Variants in GSTCD observed in about 807,000 individuals in gnomAD.
The protein encoded by GSTCD is glutathione S-transferase C-terminal domain containing, also known as glutathione S-transferase C-terminal domain-containing protein.
Under a neutral mutation model 68.3 loss-of-function variants are expected in GSTCD, and 44 were observed. That is an observed-to-expected ratio of 0.64 (90% confidence interval 0.51 to 0.83). The LOEUF (loss-of-function observed/expected upper bound fraction) is 0.83, where lower values mean the gene tolerates loss of function less well. Among genes scored for constraint, GSTCD ranks in the 40% least tolerant of loss-of-function variants. GSTCD has a pLI of 0.00. For missense variants in GSTCD, 739 were observed against 735.9 expected (o/e 1.00, Z -0.05); for synonymous variants, 273 against 255.2 (o/e 1.07, Z -0.67).
chr4:105,845,341 A>T (rs1183869918), intron 11 of GSTCD, 100 bp from the exon 12 acceptor site: 5 of 1,266,624 alleles, frequency 3.9e-6, no homozygotes, highest in Non-Finnish European at 5.7e-6. Context: ...CATGCTCCAT[A>T]GTACTTGCAG....
At chr4:105,713,501 T>C (rs1260585224) in intron 1 of GSTCD, among the ~76,000 whole-genome samples, 1 of 152,210 alleles carries the variant, frequency 6.6e-6, no homozygotes, top group Non-Finnish European at 1.5e-5. Context: ...ACTGTTATAT[T>C]AGAACAATAC....
At chr4:105,840,492 T>C (rs1267055700) in intron 10 of GSTCD, among the ~76,000 whole-genome samples, 1 of 152,188 alleles carries the variant, frequency 6.6e-6, no homozygotes. Context: ...TTTCACTTAT[T>C]AAAAATGGAG....
At chr4:105,791,945 T>TA (rs1248188505) in intron 5 of GSTCD, among the ~76,000 whole-genome samples, 1 of 152,076 alleles carries the variant, frequency 6.6e-6, no homozygotes, top group Admixed American at 6.5e-5. Flanking sequence ...CATTTATATC[T>TA]AAAAAACTTA....
intron 5 of GSTCD, among the ~76,000 whole-genome samples, chr4:105,794,827 CT>C (rs1735810486): frequency 9.9e-6 from 1 of 100,972 alleles, no homozygotes; most frequent in African/African-American, 9.0e-5. Flanking sequence ...CTGCTTTTAT[CT>C]ATCTATCTAT....
intron 5 of GSTCD, among the ~76,000 whole-genome samples, chr4:105,804,103 T>G (rs1736238838): frequency 6.6e-6 from 1 of 152,062 alleles, no homozygotes. Flanking sequence ...AAAAACTGGT[T>G]CTTAAGAGTA....
At chr4:105,725,885 C>G (rs1733013705) in intron 3 of GSTCD, among the ~76,000 whole-genome samples, 1 of 151,934 alleles carries the variant, frequency 6.6e-6, no homozygotes, top group Admixed American at 6.6e-5. Flanking sequence ...CTGATAATAC[C>G]AAGGTTTGAC....
chr4:105,755,571 A>G (rs1260432784), intron 5 of GSTCD, among the ~76,000 whole-genome samples: 1 of 152,176 alleles, frequency 6.6e-6, no homozygotes, highest in African/African-American at 2.4e-5. Flanking sequence ...TTCTGACATC[A>G]TCTGCCTGGA....
intron 2 of GSTCD, among the ~76,000 whole-genome samples, chr4:105,718,606 G>A (rs192785729): frequency 1.1e-4 from 17 of 152,110 alleles, no homozygotes; most frequent in Admixed American, 7.2e-4. Flanking sequence ...TACCCTTTAC[G>A]TGTGTCAATA....
At chr4:105,736,088 G>C (rs1212945291) in intron 5 of GSTCD, among the ~76,000 whole-genome samples, 2 of 151,692 alleles carry the variant, frequency 1.3e-5, no homozygotes, top group Non-Finnish European at 2.9e-5. Flanking sequence ...TTATTGGTTT[G>C]TTTTTGTTTC....
At chr4:105,796,689 T>C (rs1426843674) in intron 5 of GSTCD, among the ~76,000 whole-genome samples, 1 of 152,180 alleles carries the variant, frequency 6.6e-6, no homozygotes, top group African/African-American at 2.4e-5. Flanking sequence ...GGTATAAAGG[T>C]CACAAACTGA....
chr4:105,760,664 A>C (rs1421035380), intron 5 of GSTCD, among the ~76,000 whole-genome samples: 1 of 152,192 alleles, frequency 6.6e-6, no homozygotes, highest in Non-Finnish European at 1.5e-5. Flanking sequence ...AAAAGGAAGA[A>C]GAATGTAAAG....
intron 5 of GSTCD, among the ~76,000 whole-genome samples, chr4:105,816,629 A>C (rs1187994744): frequency 2.6e-5 from 4 of 152,094 alleles, no homozygotes; most frequent in Non-Finnish European, 5.9e-5. Flanking sequence ...CCTAAGATAT[A>C]ATTACTAGGG....
intron 11 of GSTCD, 22 bp downstream of exon 11, chr4:105,842,156 C>T (rs1452700217): frequency 1.3e-6 from 2 of 1,595,922 alleles, no homozygotes; most frequent in Non-Finnish European, 1.7e-6. Flanking sequence ...CACAGAGCAG[C>T]TGTTGAGTGT....
At chr4:105,740,468 A>G (rs778817040) in intron 5 of GSTCD, among the ~76,000 whole-genome samples, 1 of 151,860 alleles carries the variant, frequency 6.6e-6, no homozygotes, top group African/African-American at 2.4e-5. Flanking sequence ...AGTTTCTGTT[A>G]CTTCTTTGAT....
At chr4:105,777,697 C>A (rs1735123006) in intron 5 of GSTCD, among the ~76,000 whole-genome samples, 1 of 152,142 alleles carries the variant, frequency 6.6e-6, no homozygotes, top group African/African-American at 2.4e-5. Context: ...AGGCAAGTTA[C>A]TTGCTTTCTC....
chr4:105,748,782 T>G (rs1435740106), intron 5 of GSTCD, among the ~76,000 whole-genome samples: 1 of 133,794 alleles, frequency 7.5e-6, no homozygotes, highest in Non-Finnish European at 1.7e-5. Context: ...AAAACATGTG[T>G]TAAATTTATT....
At chr4:105,745,630 GA>G (rs1733774124) in intron 5 of GSTCD, among the ~76,000 whole-genome samples, 1 of 152,176 alleles carries the variant, frequency 6.6e-6, no homozygotes, top group Admixed American at 6.5e-5. Flanking sequence ...TTTGCCTTAA[GA>G]CCTAGAACAA....
At chr4:105,746,741 G>A (rs1041840441) in intron 5 of GSTCD, among the ~76,000 whole-genome samples, 14 of 151,944 alleles carry the variant, frequency 9.2e-5, no homozygotes, top group African/African-American at 3.4e-4. Context: ...ATCCTTATGA[G>A]GATCATTTAT....
chr4:105,749,185 C>T (rs1019954285), intron 5 of GSTCD, among the ~76,000 whole-genome samples: 5 of 142,996 alleles, frequency 3.5e-5, no homozygotes, highest in Admixed American at 1.4e-4. Context: ...AAAAAAGAAA[C>T]GTAAAATGCA....
Sources: allele counts gnomAD v4.1 joint callset (sites outside exome capture counted in the v4.1 genomes callset), GRCh38; gene constraint gnomAD v4.1.1; transcripts MANE v1.5; gene names NCBI Gene and HGNC (gene_info 2026-07-23, HGNC 2026-07-21).